Variants in CSMD2 observed in about 807,000 individuals in gnomAD.
CSMD2 encodes the protein CUB and sushi domain-containing protein 2.
In CSMD2, 130 loss-of-function variants were observed where a neutral mutation model predicts 398.5. The observed-to-expected ratio is 0.33, with a 90% CI of 0.28 to 0.38. The LOEUF (loss-of-function observed/expected upper bound fraction) is 0.38, where lower values mean the gene tolerates loss of function less well. Among genes scored for constraint, CSMD2 ranks in the 10% least tolerant of loss-of-function variants. The pLI, the probability that CSMD2 is intolerant of heterozygous loss-of-function variation, is 1.00. For synonymous variants in CSMD2, 1,828 were observed against 1,908.5 expected (o/e 0.96, Z 1.10); for missense variants, 3,829 against 4,764.9 (o/e 0.80, Z 5.78).
chr1:33,592,457 G>T, intron 44 of CSMD2: 1 of 716,738 alleles, frequency 1.4e-6, no homozygotes, highest in Non-Finnish European at 2.6e-6. Context: ...TGCGTGGAGG[G>T]GTGTCACAAT....
chr1:34,120,915 G>A (rs749857686), intron 1 of CSMD2, among the ~76,000 whole-genome samples: 21 of 152,254 alleles, frequency 1.4e-4, no homozygotes, highest in Non-Finnish European at 2.6e-4. Context: ...CATATGCCCA[G>A]CGAGGCATTT....
chr1:33,910,515 C>T (rs1643390902), intron 5 of CSMD2, among the ~76,000 whole-genome samples: 1 of 152,210 alleles, frequency 6.6e-6, no homozygotes, highest in Admixed American at 6.5e-5. Context: ...AGGGCTTCCA[C>T]TCCCAGCCTG....
chr1:33,954,117 A>C (rs978104274), intron 3 of CSMD2, among the ~76,000 whole-genome samples: 1 of 152,206 alleles, frequency 6.6e-6, no homozygotes, highest in Non-Finnish European at 1.5e-5. Context: ...GGCACCTGGC[A>C]CAGACCTAGG....
Position 33,918,231 on chromosome 1 carries a change from C to G in CSMD2, c.783G>C (p.Glu261Asp). ...GIISSPHFPS[E>D]YHNNADCTWT... ...ATGTGCAGTCGGCATTGTTATGGTA[C>G]TCCGAGGGGAAGTGGGGGCTGGAGA... Residue 261 changes from glutamate (E) to aspartate (D), a missense_variant, in exon 5 of 71, where the codon GAG becomes GAC. Coordinates refer to ENST00000373381, the MANE Select transcript of CSMD2 (RefSeq NM_001281956.2). 6.2e-7 allele frequency: 1 copy of G among 1,614,146 alleles called. No homozygotes were observed. Among genetic ancestry groups the G allele is most frequent in the Non-Finnish European group, 8.5e-7 (1 of 1,180,034 alleles).
At chr1:33,526,186 CAGA>C (rs1174566858) in intron 65 of CSMD2, among the ~76,000 whole-genome samples, 1 of 151,640 alleles carries the variant, frequency 6.6e-6, no homozygotes, top group Non-Finnish European at 1.5e-5. Context: ...AAAGGAGTGA[CAGA>C]AGAAGGGAGG....
At chr1:33,694,079 C>T (rs887328175) in intron 24 of CSMD2, among the ~76,000 whole-genome samples, 8 of 152,004 alleles carry the variant, frequency 5.3e-5, no homozygotes, top group Admixed American at 2.0e-4. Context: ...ACAACAACAA[C>T]AACAACAACA....
In CSMD2 at chr1:33,624,353, G is replaced by A. The variant is rs1641960528; in HGVS notation, c.5625+166C>T. 6.6e-6 allele frequency among the ~76,000 whole-genome samples: 1 copy of A among 152,162 alleles called. No homozygotes were observed. ...CATGGGAGCCACATCTCCACACTTGGACTGAGCCTCCTTAGCCGCAGGGGC... is the reference window on the plus strand; with the variant it reads ...CATGGGAGCCACATCTCCACACTTGAACTGAGCCTCCTTAGCCGCAGGGGC... On this transcript the variant is annotated intron_variant, in intron 35 of 70. Coordinates refer to ENST00000373381, the MANE Select transcript of CSMD2 (RefSeq NM_001281956.2). The surrounding 1 kb of genome is among the most constrained non-coding windows in gnomAD (Gnocchi z 4.7).
intron 44 of CSMD2, among the ~76,000 whole-genome samples, chr1:33,596,911 T>C (rs1474031871): frequency 6.6e-6 from 1 of 152,240 alleles, no homozygotes; most frequent in Admixed American, 6.5e-5. Context: ...GCTTTCGTTT[T>C]ATTTATCTCT....
chr1:33,879,864 T>C (rs1332083399), intron 5 of CSMD2, among the ~76,000 whole-genome samples: 1 of 152,018 alleles, frequency 6.6e-6, no homozygotes, highest in African/African-American at 2.4e-5. Flanking sequence ...AATGAGAGCA[T>C]GAATATAAAG....
At chr1:33,889,555 A>G (rs1371356413) in intron 5 of CSMD2, among the ~76,000 whole-genome samples, 13 of 152,176 alleles carry the variant, frequency 8.5e-5, no homozygotes, top group Admixed American at 1.3e-4. Context: ...TAATGCTCCA[A>G]TGTGCACTGA....
chr1:33,609,193 C>T (rs780136166), intron 41 of CSMD2, among the ~76,000 whole-genome samples: 4 of 152,028 alleles, frequency 2.6e-5, no homozygotes, highest in Non-Finnish European at 5.9e-5. Flanking sequence ...CAAGCCCAGC[C>T]GCACTTACCA....
At chr1:33,580,652 G>C (rs1638628007) in intron 48 of CSMD2, 101 bp downstream of exon 48, 1 of 1,291,464 alleles carries the variant, frequency 7.7e-7, no homozygotes, top group African/African-American at 1.5e-5. Flanking sequence ...AGCTTCAGGT[G>C]AGGCAGATTT....
In CSMD2 at chr1:33,672,629, C is replaced by T. The variant is rs1347136773; in HGVS notation, c.4053-9537G>A. On this transcript the variant is annotated intron_variant, in intron 25 of 70. Transcript: ENST00000373381. ...GAAGAGAGTAGTGGTTCTCCCAGCACGCAGCTTGAGATCTGAGAATGGGCA... is the reference window on the plus strand; with the variant it reads ...GAAGAGAGTAGTGGTTCTCCCAGCATGCAGCTTGAGATCTGAGAATGGGCA... Among the ~76,000 whole-genome samples, 9 of 152,238 alleles carry T rather than the reference C, an allele frequency of 5.9e-5. No individual in the cohort carries two copies. The South Asian group carries it at 8.3e-4, about 14-fold the overall frequency.
At chr1:34,018,025 A>C (rs1234669233) in intron 3 of CSMD2, among the ~76,000 whole-genome samples, 1 of 151,776 alleles carries the variant, frequency 6.6e-6, no homozygotes, top group African/African-American at 2.4e-5. Flanking sequence ...GAGTAGCCAT[A>C]AAGAGGAACT....
chr1:34,020,532 C>A (rs563883635), intron 3 of CSMD2, among the ~76,000 whole-genome samples: 1 of 152,256 alleles, frequency 6.6e-6, no homozygotes, highest in Non-Finnish European at 1.5e-5. Flanking sequence ...GCTGGCCCAC[C>A]CGACTCTCCC....
At chr1:33,946,024 GAAAT>G (rs1375986194) in intron 3 of CSMD2, among the ~76,000 whole-genome samples, 12 of 152,278 alleles carry the variant, frequency 7.9e-5, no homozygotes, top group South Asian at 4.1e-4. Context: ...CACTGGCTGA[GAAAT>G]AAACTTAATA....
At chr1:33,676,932 T>C (rs1644733696) in intron 25 of CSMD2, among the ~76,000 whole-genome samples, 1 of 152,204 alleles carries the variant, frequency 6.6e-6, no homozygotes, top group African/African-American at 2.4e-5. Flanking sequence ...ACTGGATCAC[T>C]TCCTTACACC....
At position 33,546,095 on chromosome 1, in the gene CSMD2, C is replaced by A; in HGVS notation, c.9042G>T (p.Ser3014=). 1 of 1,614,114 alleles carries A rather than the reference C, an allele frequency of 6.2e-7. No individual in the cohort carries two copies. Among genetic ancestry groups the A allele is most frequent in the African/African-American group, 1.3e-5 (1 of 75,042 alleles). Residue 3014 remains serine (S), a synonymous_variant, in exon 57 of 71, where the codon TCG becomes TCT. Transcript: ENST00000373381. ...CATTGGCTTGACAGGTGCGCTCTGA[C>A]GATCCCCGGAGCACGTGGCCAGCTT... is the stretch of plus-strand genomic sequence containing the variant. ...SCEAGHVLRG[S]SERTCQANGS...
Position 33,635,180 on chromosome 1 carries a change from A to C in CSMD2, c.5086+34T>G, listed in dbSNP as rs771913472. The C allele has an allele frequency of 7.2e-7, 1 of 1,384,320 alleles. No homozygotes were observed. The highest frequency in any genetic ancestry group is 1.7e-5 in the Admixed American group (1 of 58,478). The allele number at this position is 1,384,320 out of a possible 1,614,324, so 85.8% of individuals were successfully genotyped here. Reference sequence around the variant, plus strand: ...TTTTGGAATGAGGGTGAGGAGTCAGAAAACATATGAACAACAACAACCAAA... The same window carrying C: ...TTTTGGAATGAGGGTGAGGAGTCAGCAAACATATGAACAACAACAACCAAA... On this transcript the variant is annotated intron_variant, in intron 31 of 70. Coordinates refer to ENST00000373381, the MANE Select transcript of CSMD2 (RefSeq NM_001281956.2). The surrounding 1 kb of genome is among the most constrained non-coding windows in gnomAD (Gnocchi z 5.0).
Sources: allele counts gnomAD v4.1 joint callset (sites outside exome capture counted in the v4.1 genomes callset), GRCh38; gene constraint gnomAD v4.1.1; non-coding constraint Gnocchi (gnomAD v3.1); transcripts MANE v1.5; gene names NCBI Gene and HGNC (gene_info 2026-07-23, HGNC 2026-07-21).